AFF2: variants seen among roughly 807,000 people sequenced by gnomAD.
AFF2 encodes the protein ALF transcription elongation factor 2.
A neutral mutation model predicts 76.9 loss-of-function variants in AFF2; 14 were observed. The ratio of observed to expected loss-of-function variants is 0.18; its 90% CI spans 0.12 to 0.28. The LOEUF (loss-of-function observed/expected upper bound fraction) is 0.28. Ranked by LOEUF, AFF2 falls within the 10% of genes least tolerant of loss-of-function variation. AFF2 has a pLI of 1.00. For synonymous variants in AFF2, 398 were observed against 366.7 expected (o/e 1.09, Z -0.98); for missense variants, 868 against 1,001.1 (o/e 0.87, Z 1.79).
chrX:148,855,022 G>A (rs369406848), intron 7 of AFF2, among the ~76,000 whole-genome samples: 1 of 111,556 alleles, frequency 9.0e-6, no homozygotes, highest in African/African-American at 3.3e-5. Context: ...TTCTCACTCT[G>A]AGAATGTTGG....
At chrX:148,634,178 TA>T (rs1363111332) in intron 1 of AFF2, among the ~76,000 whole-genome samples, 2 of 112,191 alleles carry the variant, frequency 1.8e-5, no homozygotes, top group Non-Finnish European at 3.8e-5. Flanking sequence ...TGAACTACAA[TA>T]AAGTGTTTCG....
chrX:148,542,776 C>T (rs16994605), intron 1 of AFF2, among the ~76,000 whole-genome samples: 2,056 of 111,520 alleles, frequency 0.018, 47 homozygotes, highest in African/African-American at 0.061. Flanking sequence ...GAGCCTAGAG[C>T]GAGGAGAAAC....
intron 7 of AFF2, among the ~76,000 whole-genome samples, chrX:148,845,181 T>G (rs2070651897): frequency 9.1e-6 from 1 of 109,803 alleles, no homozygotes; most frequent in Admixed American, 9.8e-5. Context: ...AACACAAGTT[T>G]CCAAACTTGA....
chrX:148,600,188 C>A (rs1252418271), intron 1 of AFF2, among the ~76,000 whole-genome samples: 11 of 111,860 alleles, frequency 9.8e-5, no homozygotes, highest in Non-Finnish European at 1.7e-4. Context: ...GCTAAGGAGA[C>A]TTGGTAGTCT....
chrX:148,782,333 C>A, intron 3 of AFF2, among the ~76,000 whole-genome samples: 1 of 111,681 alleles, frequency 9.0e-6, no homozygotes, highest in South Asian at 3.8e-4. Flanking sequence ...GATAGACAAG[C>A]CTGTGTTCTT....
At chrX:148,952,975 T>C (rs1263475449) in intron 9 of AFF2, among the ~76,000 whole-genome samples, 1 of 111,324 alleles carries the variant, frequency 9.0e-6, no homozygotes, top group Non-Finnish European at 1.9e-5. Context: ...GCACAGCTAG[T>C]GCCCTTTGAA....
chrX:148,985,803 G>C (rs2072463869), intron 19 of AFF2, among the ~76,000 whole-genome samples: 1 of 110,965 alleles, frequency 9.0e-6, no homozygotes, highest in South Asian at 3.9e-4. Flanking sequence ...ATTCACACCA[G>C]ACAAGCACAG....
intron 9 of AFF2, among the ~76,000 whole-genome samples, chrX:148,915,769 A>G (rs1351120981): frequency 8.9e-6 from 1 of 112,510 alleles, no homozygotes; most frequent in African/African-American, 3.2e-5. Flanking sequence ...TTAATAGCAA[A>G]TTAGACATGT....
chrX:148,501,106 A>G lies in AFF2; in HGVS notation c.9A>G (p.Leu3=), dbSNP rs1051444683. Residue 3 remains leucine (L), a synonymous_variant, in exon 1 of 21, where the codon CTA becomes CTG. Transcript: ENST00000370460. ...GCCGCCGCCTGGCCGCTATGGATCT[A>G]TTCGACTTTTTCAGAGACTGGGACT... is the stretch of plus-strand genomic sequence containing the variant. MD[L]FDFFRDWDLE... is the part of the protein sequence containing the mutation. 2.5e-6 allele frequency: 3 copies of G among 1,209,588 alleles called. No homozygotes were observed. Among genetic ancestry groups the G allele is most frequent in the South Asian group, 1.8e-5 (1 of 56,919 alleles).
intron 3 of AFF2, among the ~76,000 whole-genome samples, chrX:148,703,680 T>C (rs1467349150): frequency 1.8e-5 from 2 of 111,588 alleles, no homozygotes; most frequent in African/African-American, 6.5e-5. Context: ...CACTGTATGG[T>C]TCACAGCCTT....
At chrX:148,823,367 T>G (rs946479870) in intron 4 of AFF2, among the ~76,000 whole-genome samples, 18 of 111,865 alleles carry the variant, frequency 1.6e-4, no homozygotes, top group Non-Finnish European at 3.4e-4. Context: ...AGTGTTGAAT[T>G]TTTTGCACTC....
At chrX:148,738,928 T>C (rs1281327598) in intron 3 of AFF2, among the ~76,000 whole-genome samples, 1 of 112,233 alleles carries the variant, frequency 8.9e-6, no homozygotes, top group African/African-American at 3.2e-5. Flanking sequence ...TGCATGTATT[T>C]GAAGGTTCCT....
chrX:148,759,278 C>T (rs953628497), intron 3 of AFF2, among the ~76,000 whole-genome samples: 6 of 112,057 alleles, frequency 5.4e-5, no homozygotes, highest in Non-Finnish European at 1.1e-4. Flanking sequence ...GAAAGTCACT[C>T]GTTTAGTTCA....
At chrX:148,899,179 T>C (rs1395333134) in intron 8 of AFF2, among the ~76,000 whole-genome samples, 1 of 112,328 alleles carries the variant, frequency 8.9e-6, no homozygotes. Flanking sequence ...GTGTGCTTAA[T>C]GCCAGCTGGG....
At position 148,526,497 on chromosome X, in the gene AFF2, T is replaced by C. The variant is rs2052662482; in HGVS notation, c.47+25353T>C. Among the ~76,000 whole-genome samples the C allele has an allele frequency of 2.7e-5, 3 of 109,704 alleles. No homozygotes were observed. In the South Asian group the frequency reaches 1.2e-3, roughly 44 times the overall value. On this transcript the variant is annotated intron_variant, in intron 1 of 20. Transcript: ENST00000370460. ...AATTTCTGGAACAAAATACTTCAGG[T>C]TCACCTGGTACTTTCTCTGCTTCAG...
chrX:148,945,080 C>T (rs377624575), intron 9 of AFF2, among the ~76,000 whole-genome samples: 1 of 111,067 alleles, frequency 9.0e-6, no homozygotes, highest in East Asian at 2.8e-4. Context: ...GCCCTGGATC[C>T]CCACTACGGC....
At chrX:148,564,268 T>A (rs1213612569) in intron 1 of AFF2, among the ~76,000 whole-genome samples, 1 of 111,139 alleles carries the variant, frequency 9.0e-6, no homozygotes, top group Non-Finnish European at 1.9e-5. Flanking sequence ...GTTGTTCATG[T>A]CTGAGACACT....
chrX:148,996,724 A>C lies in AFF2; in HGVS notation c.*5392A>C, dbSNP rs1179429056. ...GTTTTAAGCAGGAGAATAGCTGAGA[A>C]GAATGAAGCCCTCCTGAGCTGAAAG... On this transcript the variant is annotated 3_prime_UTR_variant, in exon 21 of 21. Coordinates refer to ENST00000370460, the MANE Select transcript of AFF2 (RefSeq NM_002025.4). 8.9e-6 allele frequency: 1 copy of C among 112,329 alleles called. No homozygotes were observed. The highest frequency in any genetic ancestry group is 1.9e-5 in the Non-Finnish European group (1 of 53,291). 9.3% of individuals were successfully genotyped at this position (112,329 alleles called of 1,213,427 possible).
Position 148,885,996 on chromosome X carries a change from C to T in AFF2, c.1359+11C>T, listed in dbSNP as rs1557279054. 1 of 1,178,310 alleles carries T rather than the reference C, an allele frequency of 8.5e-7. No individual in the cohort carries two copies. The highest frequency in any genetic ancestry group is 1.2e-6 in the Non-Finnish European group (1 of 865,810). ...ACTGAGCTCTACCAGGTTAGAAGAG[C>T]TTAGGGCTTTGTTTTGGGATGAAGG... On this transcript the variant is annotated intron_variant, in intron 8 of 20. Coordinates refer to ENST00000370460, the MANE Select transcript of AFF2 (RefSeq NM_002025.4).
Sources: allele counts gnomAD v4.1 joint callset (sites outside exome capture counted in the v4.1 genomes callset), GRCh38; gene constraint gnomAD v4.1.1; transcripts MANE v1.5; gene names NCBI Gene and HGNC (gene_info 2026-07-23, HGNC 2026-07-21).